BACH2: variants seen among roughly 807,000 people sequenced by gnomAD.
BACH2 encodes transcription regulator protein BACH2.
BACH2 carries 5 observed loss-of-function variants against 61.8 expected under a neutral mutation model. The ratio of observed to expected loss-of-function variants is 0.08; its 90% confidence interval spans 0.04 to 0.17. The LOEUF (loss-of-function observed/expected upper bound fraction) is 0.17, where lower values mean the gene tolerates loss of function less well. BACH2 is among the 10% of genes least tolerant of loss of function. The probability of loss-of-function intolerance (pLI) is 1.00; values close to 1 mark genes in which losing one functional copy is unlikely to be tolerated. For missense variants in BACH2, 824 were observed against 1,091.1 expected, an observed-to-expected ratio of 0.76 and a Z score of 3.45; for synonymous variants, 446 against 440.1, an observed-to-expected ratio of 1.01 and a Z score of -0.17.
At position 90,105,923 on chromosome 6, in the gene BACH2, G is replaced by T. The variant is rs138036467; in HGVS notation, c.-161-16814C>A. ...ATTACAACTACAGATTGCACCAACA[G>T]TTTTCTTAGAGTTAGTGAGCCTCTT... On this transcript the variant is annotated intron_variant, in intron 4 of 8. Transcript: ENST00000257749. Among the ~76,000 whole-genome samples the T allele has an allele frequency of 4.7e-3, 715 of 152,274 alleles. 4 individuals carry two copies. Among genetic ancestry groups the T allele is most frequent in the Admixed American group, 0.018 (276 of 15,292 alleles).
rs1230749559 is a variant in BACH2, at chr6:90,272,224, CCTTGA to C, written c.-445-288_-445-284del. Among the ~76,000 whole-genome samples, 8 of 152,036 alleles carry C rather than the reference CCTTGA, an allele frequency of 5.3e-5. No individual in the cohort carries two copies. The East Asian group carries it at 1.2e-3, about 22-fold the overall frequency. ...TATGTCCCCCTTTCACTCTTGTTCTCCTTGACTTCTTTGTAGTGTCTGACACTGTT... is the reference window on the plus strand; with the variant it reads ...TATGTCCCCCTTTCACTCTTGTTCTCCTTCTTTGTAGTGTCTGACACTGTT... On this transcript the variant is annotated intron_variant, in intron 1 of 8. Transcript: ENST00000257749.
intron 6 of BACH2, among the ~76,000 whole-genome samples, chr6:89,958,694 G>T (rs1173262115): frequency 6.6e-6 from 1 of 152,218 alleles, no homozygotes; most frequent in South Asian, 2.1e-4. Flanking sequence ...GGCTGGAGCA[G>T]TAACTGCTAA....
At chr6:89,988,155 T>C (rs189536052) in intron 6 of BACH2, among the ~76,000 whole-genome samples, 238 of 152,364 alleles carry the variant, frequency 1.6e-3, no homozygotes, top group Admixed American at 3.4e-3. Context: ...TAATTTCTTA[T>C]GTAAGTTTTC....
At chr6:90,249,683 A>T in intron 3 of BACH2, among the ~76,000 whole-genome samples, 1 of 152,034 alleles carries the variant, frequency 6.6e-6, no homozygotes, top group East Asian at 1.9e-4. Flanking sequence ...GACGTGGGGG[A>T]ATCACCTGAG....
intron 4 of BACH2, among the ~76,000 whole-genome samples, chr6:90,136,544 G>A (rs1784278214): frequency 6.6e-6 from 1 of 152,070 alleles, no homozygotes; most frequent in Admixed American, 6.6e-5. Context: ...CCCTCCCCTG[G>A]CCCACTATTT....
intron 1 of BACH2, among the ~76,000 whole-genome samples, chr6:90,287,420 G>C (rs1233280030): frequency 6.6e-6 from 1 of 151,934 alleles, no homozygotes. Flanking sequence ...AGATAATATA[G>C]AATTTCAGGT....
intron 1 of BACH2, among the ~76,000 whole-genome samples, chr6:90,284,972 G>C (rs1771973146): frequency 6.6e-6 from 1 of 152,116 alleles, no homozygotes; most frequent in Non-Finnish European, 1.5e-5. Context: ...TGAAACTTAA[G>C]AAAAAGAAGG....
intron 3 of BACH2, among the ~76,000 whole-genome samples, chr6:90,238,112 A>G (rs540180315): frequency 3.2e-4 from 49 of 152,376 alleles, no homozygotes; most frequent in African/African-American, 1.1e-3. Flanking sequence ...CCTTAGCCAA[A>G]TACATTCATG....
chr6:90,255,280 C>T (rs184978956), intron 2 of BACH2, among the ~76,000 whole-genome samples: 1 of 152,184 alleles, frequency 6.6e-6, no homozygotes, highest in East Asian at 1.9e-4. Context: ...TTCATTTTCA[C>T]TCAACAATTG....
At chr6:90,073,190 T>C (rs1450473736) in intron 5 of BACH2, among the ~76,000 whole-genome samples, 3 of 152,238 alleles carry the variant, frequency 2.0e-5, no homozygotes, top group African/African-American at 7.2e-5. Context: ...GAGGCTCCTT[T>C]AAAAAGCTTC....
intron 6 of BACH2, among the ~76,000 whole-genome samples, chr6:89,964,067 G>GTT (rs1774907453): frequency 6.6e-6 from 1 of 152,022 alleles, no homozygotes; most frequent in Non-Finnish European, 1.5e-5. Context: ...GGGGTGGGAG[G>GTT]AGTGGGGAGG....
chr6:90,294,775 G>C (rs1370461120), intron 1 of BACH2, among the ~76,000 whole-genome samples: 1 of 152,166 alleles, frequency 6.6e-6, no homozygotes, highest in East Asian at 1.9e-4. Flanking sequence ...CCAAAGGAGG[G>C]GCAGCCTTTC....
Position 90,035,873 on chromosome 6 carries a change from C to T in BACH2, c.-12-27017G>A, listed in dbSNP as rs568161560. Among the ~76,000 whole-genome samples the T allele has an allele frequency of 5.3e-4, 80 of 151,902 alleles. 1 individual carries two copies. Among genetic ancestry groups the T allele is most frequent in the Non-Finnish European group, 4.0e-4 (27 of 67,962 alleles). ...AACAATAACAGAAGAAAAACTCAAGCATGTCTGAATCCCAGGTTTCCACTA... is the reference window on the plus strand; with the variant it reads ...AACAATAACAGAAGAAAAACTCAAGTATGTCTGAATCCCAGGTTTCCACTA... On this transcript the variant is annotated intron_variant, in intron 5 of 8. Transcript: ENST00000257749.
At chr6:90,204,130 C>G (rs1394911328) in intron 4 of BACH2, among the ~76,000 whole-genome samples, 2 of 152,146 alleles carry the variant, frequency 1.3e-5, no homozygotes, top group African/African-American at 4.8e-5. Context: ...CCTAGAACGC[C>G]AGGGCCACCC....
At chr6:90,275,622 G>C (rs1308670208) in intron 1 of BACH2, among the ~76,000 whole-genome samples, 1 of 151,986 alleles carries the variant, frequency 6.6e-6, no homozygotes. Context: ...GTACCTGATA[G>C]GTTTTTTTTT....
chr6:89,992,249 T>C (rs992404325), intron 6 of BACH2, among the ~76,000 whole-genome samples: 2 of 152,246 alleles, frequency 1.3e-5, no homozygotes, highest in African/African-American at 4.8e-5. Context: ...TACAATTATG[T>C]ATTATTTTCC....
chr6:90,038,520 GT>G (rs1779375183), intron 5 of BACH2, among the ~76,000 whole-genome samples: 1 of 152,060 alleles, frequency 6.6e-6, no homozygotes, highest in South Asian at 2.1e-4. Flanking sequence ...ATATCATTAA[GT>G]TTTTCTTTTG....
chr6:89,991,331 C>T (rs1776539087), intron 6 of BACH2, among the ~76,000 whole-genome samples: 1 of 152,296 alleles, frequency 6.6e-6, no homozygotes, highest in South Asian at 2.1e-4. Flanking sequence ...ATATATCCAC[C>T]TACTTTTAGT....
At chr6:89,952,193 T>G in intron 6 of BACH2, 1 of 307,826 alleles carries the variant, frequency 3.2e-6, no homozygotes, top group East Asian at 7.5e-5. Flanking sequence ...GCCTATTAAT[T>G]TCCCTCCCAA....
Sources: allele counts gnomAD v4.1 joint callset (sites outside exome capture counted in the v4.1 genomes callset), GRCh38; gene constraint gnomAD v4.1.1; transcripts MANE v1.5; gene names NCBI Gene and HGNC (gene_info 2026-07-23, HGNC 2026-07-21).